Variants in MIX23 observed in about 807,000 individuals in gnomAD.
MIX23 encodes the protein protein MIX23.
A neutral mutation model predicts 21.6 loss-of-function variants in MIX23; 13 were observed. The ratio of observed to expected loss-of-function variants is 0.60; its 90% CI spans 0.39 to 0.96. The LOEUF (loss-of-function observed/expected upper bound fraction) is 0.96, where lower values mean the gene tolerates loss of function less well. Ranked by LOEUF, MIX23 falls within the 40% of genes least tolerant of loss-of-function variation. The pLI, the probability that MIX23 is intolerant of heterozygous loss-of-function variation, is 0.00. For missense variants in MIX23, 144 were observed against 171.2 expected, an observed-to-expected ratio of 0.84 and a Z score of 0.89; for synonymous variants, 59 against 58.0, an observed-to-expected ratio of 1.02 and a Z score of -0.08.
chr3:122,370,897 C>T (rs967767872), intron 2 of MIX23, among the ~76,000 whole-genome samples: 1 of 152,144 alleles, frequency 6.6e-6, no homozygotes, highest in African/African-American at 2.4e-5. Context: ...GTAGTTAATG[C>T]TCTGAATTTA....
At chr3:122,367,854 G>C in intron 3 of MIX23, 1 of 329,384 alleles carries the variant, frequency 3.0e-6, no homozygotes, top group East Asian at 8.8e-5. Flanking sequence ...GATTTCCCCA[G>C]AATTTCTGAT....
At chr3:122,378,166 G>C (rs996714742) in intron 1 of MIX23, among the ~76,000 whole-genome samples, 1 of 152,174 alleles carries the variant, frequency 6.6e-6, no homozygotes, top group African/African-American at 2.4e-5. Context: ...AACTAGAGTA[G>C]GTGTCAAAAG....
chr3:122,375,882 C>T (rs776962445), intron 1 of MIX23, among the ~76,000 whole-genome samples: 34 of 152,040 alleles, frequency 2.2e-4, no homozygotes, highest in Non-Finnish European at 1.5e-4. Context: ...ATATAAAAAA[C>T]ACACCTAGAG....
At chr3:122,368,125 G>T in intron 3 of MIX23, 51 bp downstream of exon 3, 3 of 1,570,622 alleles carry the variant, frequency 1.9e-6, no homozygotes, top group South Asian at 1.1e-5. Flanking sequence ...TACTTTGAAG[G>T]CTACAATTGG....
At position 122,383,191 on chromosome 3, in the gene MIX23, C is replaced by T; in HGVS notation, c.34G>A (p.Glu12Lys). Residue 12 changes from glutamate to lysine, a missense_variant, in exon 1 of 5, where the codon GAG becomes AAG. Glu to Lys is a moderately conservative substitution (Grantham distance 56). Transcript: ENST00000291458. Reference sequence around the variant, plus strand: ...CCCATCACCTGGAACTCGGCGAACTCCTCACAGTTCACACCGCCACTGGGC... The same window carrying T: ...CCCATCACCTGGAACTCGGCGAACTTCTCACAGTTCACACCGCCACTGGGC... ...AAPSGGVNCE[E>K]FAEFQELLKV... 6.2e-7 allele frequency: 1 copy of T among 1,613,584 alleles called. No homozygotes were observed. Among genetic ancestry groups the T allele is most frequent in the Non-Finnish European group, 8.5e-7 (1 of 1,180,042 alleles).
chr3:122,383,211 CTGG>C lies in MIX23; in HGVS notation c.11_13del (p.Pro4_Ser5delinsArg). On this transcript the variant is annotated inframe_deletion, in exon 1 of 5. Transcript: ENST00000291458. ...GAACTCCTCACAGTTCACACCGCCA[CTGG>C]GCGCCGCCATATTGGACAAACACGA... is the stretch of plus-strand genomic sequence containing the variant. The C allele has an allele frequency of 6.2e-7, 1 of 1,613,006 alleles. No homozygotes were observed. The highest frequency in any genetic ancestry group is 8.5e-7 in the Non-Finnish European group (1 of 1,180,036).
chr3:122,381,052 C>A (rs371206175), intron 1 of MIX23, among the ~76,000 whole-genome samples: 6 of 152,318 alleles, frequency 3.9e-5, no homozygotes, highest in African/African-American at 1.4e-4. Context: ...TACTGATTTT[C>A]TATTTCCTTT....
intron 2 of MIX23, 100 bp downstream of exon 2, chr3:122,371,575 T>C: frequency 7.4e-7 from 1 of 1,355,034 alleles, no homozygotes; most frequent in South Asian, 1.2e-5. Flanking sequence ...AGAAAAGATG[T>C]CATTCCTTTA....
At chr3:122,367,796 G>A (rs1046341436) in intron 3 of MIX23, 2 of 199,114 alleles carry the variant, frequency 1.0e-5, no homozygotes, top group Non-Finnish European at 2.0e-5. Flanking sequence ...ATATATTAGA[G>A]ATGTTTTTCT....
chr3:122,372,219 A>C (rs968820096), intron 1 of MIX23, among the ~76,000 whole-genome samples: 2 of 116,894 alleles, frequency 1.7e-5, no homozygotes, highest in Admixed American at 9.1e-5. Flanking sequence ...AAAGCCTCCA[A>C]CTCTCAAAAA....
At chr3:122,361,862 T>A (rs1254511436) in intron 4 of MIX23, among the ~76,000 whole-genome samples, 1 of 152,204 alleles carries the variant, frequency 6.6e-6, no homozygotes, top group Non-Finnish European at 1.5e-5. Flanking sequence ...TATTTTGCAA[T>A]GTGTTCATGT....
At chr3:122,371,944 A>G in intron 1 of MIX23, 144 bp from the exon 2 acceptor site, 3 of 654,350 alleles carry the variant, frequency 4.6e-6, no homozygotes, top group South Asian at 2.0e-5. Flanking sequence ...ACATGCAACC[A>G]TAAGAAAATG....
intron 1 of MIX23, among the ~76,000 whole-genome samples, chr3:122,378,504 C>T (rs1034200842): frequency 2.6e-5 from 4 of 152,200 alleles, no homozygotes; most frequent in Admixed American, 2.6e-4. Flanking sequence ...ATAGAGTGTA[C>T]TTACACAAAC....
At chr3:122,373,477 T>C (rs1365157562) in intron 1 of MIX23, among the ~76,000 whole-genome samples, 4 of 152,148 alleles carry the variant, frequency 2.6e-5, no homozygotes, top group Non-Finnish European at 5.9e-5. Flanking sequence ...TTTCACCACA[T>C]GGCCCAGGCT....
chr3:122,368,365 A>T, intron 2 of MIX23, 43 bp from the exon 3 acceptor site: 2 of 1,522,032 alleles, frequency 1.3e-6, no homozygotes, highest in Non-Finnish European at 1.7e-6. Context: ...AAACTGCATA[A>T]ATTTATCACA....
rs527562300 is a variant in MIX23 at position 122,359,830 on chromosome 3, T to TAAAAAAAAAAAAAAAAAAAAA, written c.*18_*38dup. ...AGCTCTTATGAGATGACCCAGTCCT[T>TAAAAAAAAAAAAAAAAAAAAA]AAAAAAAAAAAAAAAAAAAAAAAAA... On this transcript the variant is annotated 3_prime_UTR_variant, in exon 5 of 5. Coordinates refer to ENST00000291458, the MANE Select transcript of MIX23 (RefSeq NM_001017928.4). 2.2e-6 allele frequency: 2 copies of TAAAAAAAAAAAAAAAAAAAAA among 926,058 alleles called. 1 individual carries two copies. Among genetic ancestry groups the TAAAAAAAAAAAAAAAAAAAAA allele is most frequent in the Non-Finnish European group, 2.8e-6 (2 of 723,180 alleles). 57.4% of individuals were successfully genotyped at this position (926,058 alleles called of 1,614,324 possible).
chr3:122,364,222 C>T (rs562025488), intron 3 of MIX23, among the ~76,000 whole-genome samples: 1 of 152,172 alleles, frequency 6.6e-6, no homozygotes, highest in African/African-American at 2.4e-5. Flanking sequence ...TCAGAACTGG[C>T]GTCAAAGCGT....
At chr3:122,361,210 T>G (rs1189022007) in intron 4 of MIX23, among the ~76,000 whole-genome samples, 1 of 152,216 alleles carries the variant, frequency 6.6e-6, no homozygotes, top group Non-Finnish European at 1.5e-5. Flanking sequence ...TTATTAATAT[T>G]CATTAAATTC....
chr3:122,380,608 G>A (rs2075523468), intron 1 of MIX23, among the ~76,000 whole-genome samples: 1 of 152,174 alleles, frequency 6.6e-6, no homozygotes, highest in Non-Finnish European at 1.5e-5. Context: ...AGACACGTAT[G>A]AGGACAATAA....
Sources: gnomAD v4.1 joint callset for allele counts (sites outside exome capture counted in the v4.1 genomes callset) on GRCh38, gnomAD v4.1.1 for gene constraint, MANE v1.5 for transcripts, NCBI Gene and HGNC (gene_info 2026-07-23, HGNC 2026-07-21) for gene names.